The following AKR1A1 variants were observed in gnomAD, a reference collection of about 807,000 sequenced individuals.
The protein encoded by AKR1A1 is HEL-S-165mP.
In AKR1A1, 26 loss-of-function variants were observed where a neutral mutation model predicts 39.2. The observed-to-expected ratio is 0.66, with a 90% confidence interval of 0.49 to 0.92. AKR1A1 has a LOEUF of 0.92. Ranked by LOEUF, AKR1A1 falls within the 40% of genes least tolerant of loss-of-function variation. The probability of loss-of-function intolerance (pLI) is 0.00; values close to 1 mark genes in which losing one functional copy is unlikely to be tolerated. For synonymous variants in AKR1A1, 141 were observed against 155.5 expected, an observed-to-expected ratio of 0.91 and a Z score of 0.69; for missense variants, 378 against 406.5, an observed-to-expected ratio of 0.93 and a Z score of 0.60.
intron 2 of AKR1A1, among the ~76,000 whole-genome samples, 188 bp from the exon 3 acceptor site, chr1:45,566,381 G>GCCTC (rs1644343594): frequency 6.6e-6 from 1 of 151,984 alleles, no homozygotes; most frequent in Non-Finnish European, 1.5e-5. Context: ...GCCCACCTCA[G>GCCTC]CCTCCCAAAG....
At chr1:45,554,574 G>A (rs1212562211) in intron 1 of AKR1A1, among the ~76,000 whole-genome samples, 1 of 152,096 alleles carries the variant, frequency 6.6e-6, no homozygotes, top group Non-Finnish European at 1.5e-5. Flanking sequence ...GTGAGACCCT[G>A]TCTCAAAAAG....
chr1:45,557,733 T>C (rs1190825131), intron 1 of AKR1A1, among the ~76,000 whole-genome samples: 1 of 152,090 alleles, frequency 6.6e-6, no homozygotes, highest in Non-Finnish European at 1.5e-5. Context: ...CTTGGAAATT[T>C]GATTATAAAG....
Position 45,561,884 on chromosome 1 carries a change from G to A in AKR1A1, c.84+6G>A, listed in dbSNP as rs1183890446. 1.2e-6 allele frequency: 2 copies of A among 1,613,802 alleles called. No homozygotes were observed. Among genetic ancestry groups the A allele is most frequent in the African/African-American group, 2.7e-5 (2 of 74,912 alleles). On this transcript the variant is annotated splice_donor_region_variant and intron_variant, in intron 2 of 8. Transcript: ENST00000351829. The stretch of plus-strand genomic sequence containing the variant: ...GGAAGAGTGAGCCTGGTCAGGTGAG[G>A]GATGGGGGAAGAAAAAAGAAACTTG...
chr1:45,565,350 A>G (rs556570968), intron 2 of AKR1A1, among the ~76,000 whole-genome samples: 14 of 148,204 alleles, frequency 9.4e-5, no homozygotes, highest in Non-Finnish European at 1.9e-4. Flanking sequence ...GGCTGGTCTC[A>G]AACTCCCGAC....
chr1:45,569,795 C>G, intron 8 of AKR1A1, 96 bp from the exon 9 acceptor site: 1 of 1,059,824 alleles, frequency 9.4e-7, no homozygotes, highest in East Asian at 2.4e-5. Flanking sequence ...GTGCTGTACA[C>G]AGGTGAGTTT....
chr1:45,563,466 G>A (rs752107206), intron 2 of AKR1A1, among the ~76,000 whole-genome samples: 1 of 151,870 alleles, frequency 6.6e-6, no homozygotes, highest in Non-Finnish European at 1.5e-5. Context: ...ACAGATGGAG[G>A]TGATTATACA....
chr1:45,560,910 G>A (rs1019787405), intron 1 of AKR1A1, among the ~76,000 whole-genome samples: 1 of 152,036 alleles, frequency 6.6e-6, no homozygotes, highest in Non-Finnish European at 1.5e-5. Flanking sequence ...TGTATTTTTA[G>A]TAGAGATGGT....
chr1:45,556,405 C>A (rs1644203156), intron 1 of AKR1A1, among the ~76,000 whole-genome samples: 1 of 151,690 alleles, frequency 6.6e-6, no homozygotes, highest in Non-Finnish European at 1.5e-5. Context: ...CATGGTGAAA[C>A]CCCGTCTCTA....
At chr1:45,551,522 G>A (rs960363999) in intron 1 of AKR1A1, among the ~76,000 whole-genome samples, 3 of 152,216 alleles carry the variant, frequency 2.0e-5, no homozygotes. Context: ...TGCAGGGATA[G>A]TTCTCAGAAG....
At position 45,568,947 on chromosome 1, in the gene AKR1A1, T is replaced by A. The variant is rs1211299482; in HGVS notation, c.773T>A (p.Val258Glu). 1 of 1,614,086 alleles carries A rather than the reference T, an allele frequency of 6.2e-7. No homozygotes were observed. The highest frequency in any genetic ancestry group is 1.3e-5 in the African/African-American group (1 of 74,932). The change falls in exon 7 of 9, where the codon GTG becomes GAG. Residue 258 changes from valine to glutamate, a missense_variant. Coordinates refer to ENST00000351829, the MANE Select transcript of AKR1A1 (RefSeq NM_153326.3). The part of the protein sequence containing the change: ...ILLRWQVQRK[V>E]ICIPKSITPS... ...CTTAGGTGGCAGGTCCAGCGGAAAG[T>A]GATCTGCATCCCCAAAAGTATCACT...
intron 4 of AKR1A1, 32 bp downstream of exon 4, chr1:45,567,052 CAG>C (rs753001390): frequency 8.4e-5 from 135 of 1,608,534 alleles, no homozygotes; most frequent in African/African-American, 8.3e-4. Flanking sequence ...TCTGGGGAAT[CAG>C]GGGGTTGAGC....
chr1:45,567,155 A>T (rs1644354890), intron 4 of AKR1A1, 135 bp downstream of exon 4: 1 of 1,220,982 alleles, frequency 8.2e-7, no homozygotes, highest in Non-Finnish European at 1.1e-6. Flanking sequence ...TTGACATGGG[A>T]TCTTAGCCTC....
intron 8 of AKR1A1, among the ~76,000 whole-genome samples, chr1:45,569,616 G>C (rs553651741): frequency 6.6e-6 from 1 of 152,258 alleles, no homozygotes; most frequent in South Asian, 2.1e-4. Context: ...GAGGGAAGTC[G>C]GCTGTACTTA....
chr1:45,551,601 T>C (rs1010924395), intron 1 of AKR1A1, among the ~76,000 whole-genome samples: 1 of 152,176 alleles, frequency 6.6e-6, no homozygotes, highest in Non-Finnish European at 1.5e-5. Context: ...TGACATGTTA[T>C]TCTGTTGCCC....
chr1:45,557,361 TTCTGTCCTAGAGA>T (rs973273101), intron 1 of AKR1A1, among the ~76,000 whole-genome samples: 6 of 151,880 alleles, frequency 4.0e-5, no homozygotes, highest in Non-Finnish European at 2.9e-5. Flanking sequence ...GAGGATGATT[TTCTGTCCTAGAGA>T]AAAACATCTA....
chr1:45,557,614 G>A (rs939253009), intron 1 of AKR1A1, among the ~76,000 whole-genome samples: 5 of 152,144 alleles, frequency 3.3e-5, no homozygotes, highest in Non-Finnish European at 2.9e-5. Context: ...GGTAATCTGC[G>A]AGAGGCCAAC....
At chr1:45,555,538 T>G (rs979302047) in intron 1 of AKR1A1, among the ~76,000 whole-genome samples, 21 of 152,160 alleles carry the variant, frequency 1.4e-4, no homozygotes, top group Non-Finnish European at 2.8e-4. Context: ...GCATTTATAT[T>G]GTATTAGGAA....
chr1:45,564,726 G>A (rs1035233382), intron 2 of AKR1A1, among the ~76,000 whole-genome samples: 8 of 150,730 alleles, frequency 5.3e-5, no homozygotes, highest in Non-Finnish European at 7.4e-5. Flanking sequence ...TGTTTCCATG[G>A]TCTATACTTC....
Position 45,560,231 on chromosome 1 carries a change from C to T in AKR1A1, c.-6-1558C>T, listed in dbSNP as rs1762088. 1.2e-3 allele frequency among the ~76,000 whole-genome samples: 185 copies of T among 152,244 alleles called. 9 individuals carry two copies. The highest frequency in any genetic ancestry group is 4.3e-3 in the African/African-American group (179 of 41,556). ...TAACTTTTGACCTCAAGTGATTTGCCTGCCTTGGCCTTCCTATGTGCTTGT... is the reference window on the plus strand; with the variant it reads ...TAACTTTTGACCTCAAGTGATTTGCTTGCCTTGGCCTTCCTATGTGCTTGT... On this transcript the variant is annotated intron_variant, in intron 1 of 8. Transcript: ENST00000351829.
Sources: gnomAD v4.1 joint callset for allele counts (sites outside exome capture counted in the v4.1 genomes callset) on GRCh38, gnomAD v4.1.1 for gene constraint, MANE v1.5 for transcripts, NCBI Gene and HGNC (gene_info 2026-07-23, HGNC 2026-07-21) for gene names.